The following EXTL1 variants were observed in gnomAD, a reference collection of about 807,000 sequenced individuals.
EXTL1 encodes the protein exostosin like glycosyltransferase 1.
EXTL1 carries 43 observed loss-of-function variants against 64.6 expected under a neutral mutation model. That is an observed-to-expected ratio of 0.67 (90% CI 0.52 to 0.86). The LOEUF (loss-of-function observed/expected upper bound fraction) is 0.86. Among genes scored for constraint, EXTL1 ranks in the 40% least tolerant of loss-of-function variants. The pLI, the probability that EXTL1 is intolerant of heterozygous loss-of-function variation, is 0.00. For missense variants in EXTL1, 766 were observed against 879.0 expected, an observed-to-expected ratio of 0.87 and a Z score of 1.62; for synonymous variants, 352 against 360.5, an observed-to-expected ratio of 0.98 and a Z score of 0.27.
chr1:26,032,900 G>A (rs888046940), intron 7 of EXTL1, among the ~76,000 whole-genome samples: 2 of 152,164 alleles, frequency 1.3e-5, no homozygotes, highest in Admixed American at 6.5e-5. Flanking sequence ...TCAAATGAGG[G>A]AAGTTTGACA....
At position 26,022,634 on chromosome 1, in the gene EXTL1, T is replaced by C. The variant is rs768344140; in HGVS notation, c.-13T>C. 6.4e-7 allele frequency: 1 copy of C among 1,569,744 alleles called. No individual in the cohort carries two copies. The highest frequency in any genetic ancestry group is 1.2e-5 in the South Asian group (1 of 83,592). ...GCCTCCCAGCTTCCCTAGCCCTGACTGTGGGTGGCCACATGCAGTCGTGGA... is the reference window on the plus strand; with the variant it reads ...GCCTCCCAGCTTCCCTAGCCCTGACCGTGGGTGGCCACATGCAGTCGTGGA... On this transcript the variant is annotated 5_prime_UTR_variant, in exon 1 of 11. Transcript: ENST00000374280.
At chr1:26,030,699 T>C in intron 4 of EXTL1, 104 bp downstream of exon 4, 1 of 1,271,508 alleles carries the variant, frequency 7.9e-7, no homozygotes, top group South Asian at 1.5e-5. Context: ...CCCCCCCCCT[T>C]CCTTGAAGAT....
At chr1:26,027,689 T>TAAAAAAAAA (rs61364586) in intron 1 of EXTL1, among the ~76,000 whole-genome samples, 1 of 57,066 alleles carries the variant, frequency 1.8e-5, no homozygotes, top group African/African-American at 6.6e-5. Context: ...ACCCCATCTC[T>TAAAAAAAAA]AAAAAAAAAA....
Position 26,022,644 on chromosome 1 carries a change from C to T in EXTL1, c.-3C>T, listed in dbSNP as rs770304643. On this transcript the variant is annotated 5_prime_UTR_variant, in exon 1 of 11. Coordinates refer to ENST00000374280, the MANE Select transcript of EXTL1 (RefSeq NM_004455.3). ...TTCCCTAGCCCTGACTGTGGGTGGC[C>T]ACATGCAGTCGTGGAGGAGAAGAAA... 2 of 1,578,348 alleles carry T rather than the reference C, an allele frequency of 1.3e-6. No individual in the cohort carries two copies. Among genetic ancestry groups the T allele is most frequent in the Non-Finnish European group, 1.7e-6 (2 of 1,160,572 alleles).
Position 26,023,384 on chromosome 1 carries a change from C to G in EXTL1, c.738C>G (p.Cys246Trp), listed in dbSNP as rs1468090666. The change falls in exon 1 of 11, where the codon TGC becomes TGG. Residue 246 changes from cysteine (C) to tryptophan (W), a missense_variant. Transcript: ENST00000374280. ...CAGCAGACACTGGCTCCTCTGCCTG[C>G]CCCTGGGATGGGCGCTGTGAGCAAG... ...WRTADTGSSA[C>W]PWDGRCEQDP... is the part of the protein sequence containing the mutation. 1 of 1,458,812 alleles carries G rather than the reference C, an allele frequency of 6.9e-7. No individual in the cohort carries two copies. Among genetic ancestry groups the G allele is most frequent in the African/African-American group, 1.4e-5 (1 of 70,006 alleles). 90.4% of individuals were successfully genotyped at this position (1,458,812 alleles called of 1,614,324 possible). A position where few individuals can be genotyped will look rare whatever the true frequency, so the allele number is the denominator to read the frequency against.
Position 26,033,916 on chromosome 1 carries a change from A to G in EXTL1, c.1679+60A>G. 7.0e-7 allele frequency: 1 copy of G among 1,429,606 alleles called. No individual in the cohort carries two copies. Among genetic ancestry groups the G allele is most frequent in the Non-Finnish European group, 9.3e-7 (1 of 1,076,960 alleles). The allele number at this position is 1,429,606 out of a possible 1,614,324, so 88.6% of individuals were successfully genotyped here. A position where few individuals can be genotyped will look rare whatever the true frequency, so the allele number is the denominator to read the frequency against. On this transcript the variant is annotated intron_variant, in intron 9 of 10. Coordinates refer to ENST00000374280, the MANE Select transcript of EXTL1 (RefSeq NM_004455.3). This position sits in a 1 kb window ranked among gnomAD's most constrained non-coding sequence, Gnocchi z 5.1. ...TCAGAGGACCAGAGACCCCACCCCC[A>G]CCCCGAACGGAGCAGAGTGGCCTAG...
In EXTL1 at chr1:26,035,551, G is replaced by A; in HGVS notation, c.*204G>A. On this transcript the variant is annotated 3_prime_UTR_variant, in exon 11 of 11. Transcript: ENST00000374280. This position sits in a 1 kb window ranked among gnomAD's most constrained non-coding sequence, Gnocchi z 5.3. ...TCGCCCTCAGCCGCGGAGCCTCTGC[G>A]GAGGCTGAGCCCCGCGACCGGAGCG... 2 of 466,160 alleles carry A rather than the reference G, an allele frequency of 4.3e-6. No individual in the cohort carries two copies. The highest frequency in any genetic ancestry group is 7.6e-6 in the Non-Finnish European group (2 of 263,500). The allele number at this position is 466,160 out of a possible 1,614,324, so 28.9% of individuals were successfully genotyped here.
chr1:26,032,973 AG>A (rs1478735194), intron 7 of EXTL1, among the ~76,000 whole-genome samples: 8 of 152,310 alleles, frequency 5.3e-5, no homozygotes, highest in African/African-American at 1.9e-4. Flanking sequence ...CAAAAGTGGA[AG>A]GGCCCCTAGA....
intron 2 of EXTL1, 113 bp downstream of exon 2, chr1:26,029,399 C>T (rs1489031734): frequency 2.3e-6 from 2 of 866,570 alleles, no homozygotes; most frequent in African/African-American, 1.7e-5. Context: ...TGCTCCTTTA[C>T]TCCTGGACTC....
In EXTL1 at chr1:26,023,259, C is replaced by G. The variant is rs770673696; in HGVS notation, c.613C>G (p.His205Asp). The change falls in exon 1 of 11, where the codon CAC becomes GAC. Residue 205 changes from histidine to aspartate, a missense_variant. By Grantham distance (81) the His-to-Asp change is moderately conservative. Transcript: ENST00000374280. ...DVALPFLPEA[H>D]PLRGGAPGQL... ...GGCCCTCCCTTTTCTCCCTGAAGCC[C>G]ACCCGTTGCGAGGTGGGGCTCCTGG... The G allele has an allele frequency of 6.3e-7, 1 of 1,590,600 alleles. No homozygotes were observed. The highest frequency in any genetic ancestry group is 1.1e-5 in the South Asian group (1 of 88,562).
intron 1 of EXTL1, 42 bp from the exon 2 acceptor site, chr1:26,029,151 C>T (rs1381781880): frequency 2.0e-6 from 3 of 1,487,614 alleles, no homozygotes; most frequent in Non-Finnish European, 2.8e-6. Context: ...AGGTCACTGT[C>T]CAGGCTCATG....
chr1:26,034,670 G>A lies in EXTL1; in HGVS notation c.1680-166G>A, dbSNP rs1350129016. On this transcript the variant is annotated intron_variant, in intron 9 of 10. Transcript: ENST00000374280. This position sits in a 1 kb window ranked among gnomAD's most constrained non-coding sequence, Gnocchi z 4.6. ...AACTGCAGATAAGCCACGGGGCACA[G>A]CACAATGGAGAGCTGTTCACGCCAG... Among the ~76,000 whole-genome samples the A allele has an allele frequency of 6.6e-6, 1 of 152,230 alleles. No homozygotes were observed. The highest frequency in any genetic ancestry group is 2.4e-5 in the African/African-American group (1 of 41,456).
intron 1 of EXTL1, among the ~76,000 whole-genome samples, chr1:26,028,187 T>G (rs1295546284): frequency 6.6e-6 from 1 of 152,152 alleles, no homozygotes; most frequent in Non-Finnish European, 1.5e-5. Flanking sequence ...AAGCAGCAGC[T>G]CTGGGGTGGT....
intron 1 of EXTL1, among the ~76,000 whole-genome samples, chr1:26,027,432 TACTC>T (rs2050228256): frequency 1.3e-5 from 2 of 152,086 alleles, no homozygotes; most frequent in African/African-American, 4.8e-5. Context: ...TCAAAGTACA[TACTC>T]AATATAGGTT....
At chr1:26,027,584 G>A (rs537027925) in intron 1 of EXTL1, among the ~76,000 whole-genome samples, 2 of 151,642 alleles carry the variant, frequency 1.3e-5, no homozygotes, top group South Asian at 4.2e-4. Context: ...GGCCAGGTGT[G>A]GTGGCTCATG....
intron 1 of EXTL1, among the ~76,000 whole-genome samples, chr1:26,028,779 C>A (rs971654781): frequency 6.6e-6 from 1 of 152,200 alleles, no homozygotes; most frequent in Non-Finnish European, 1.5e-5. Context: ...TCAGAGGCCA[C>A]GCAGGCAAGG....
intron 1 of EXTL1, 56 bp from the exon 2 acceptor site, chr1:26,029,137 G>T (rs746969218): frequency 4.1e-5 from 56 of 1,352,588 alleles, no homozygotes; most frequent in Non-Finnish European, 5.4e-5. Flanking sequence ...AGCCCAGGGG[G>T]CGAAGGTCAC....
At position 26,035,973 on chromosome 1, in the gene EXTL1, C is replaced by T. The variant is rs2050336074; in HGVS notation, c.*626C>T. 2 of 152,696 alleles carry T rather than the reference C, an allele frequency of 1.3e-5. No homozygotes were observed. Among genetic ancestry groups the T allele is most frequent in the South Asian group, 4.1e-4 (2 of 4,836 alleles). 9.5% of individuals were successfully genotyped at this position (152,696 alleles called of 1,614,324 possible). ...CGGGAAGGCAACTACCCAAAGACGC[C>T]TGGGTTGTCAGGCTCAATCCTTGAG... On this transcript the variant is annotated 3_prime_UTR_variant, in exon 11 of 11. Transcript: ENST00000374280. The surrounding 1 kb of genome is among the most constrained non-coding windows in gnomAD (Gnocchi z 5.3).
intron 3 of EXTL1, among the ~76,000 whole-genome samples, chr1:26,030,019 T>C (rs2050265115): frequency 2.0e-5 from 3 of 152,114 alleles, no homozygotes; most frequent in African/African-American, 7.2e-5. Flanking sequence ...TAAATACCAA[T>C]TTAGGGGAAG....
Sources: gnomAD v4.1 joint callset for allele counts (sites outside exome capture counted in the v4.1 genomes callset) on GRCh38, gnomAD v4.1.1 for gene constraint, Gnocchi (gnomAD v3.1) non-coding constraint, MANE v1.5 for transcripts, NCBI Gene and HGNC (gene_info 2026-07-23, HGNC 2026-07-21) for gene names.